Variants in LYST observed in about 807,000 individuals in gnomAD.
The protein encoded by LYST is lysosomal trafficking regulator.
In LYST, 192 loss-of-function variants were observed where a neutral mutation model predicts 413.6. The observed-to-expected ratio is 0.46, with a 90% confidence interval of 0.41 to 0.52. The LOEUF (loss-of-function observed/expected upper bound fraction) is 0.52. LYST is among the 20% of genes least tolerant of loss of function. The pLI is 0.00. For missense variants in LYST, 3,815 were observed against 4,499.9 expected, an observed-to-expected ratio of 0.85 and a Z score of 4.35; for synonymous variants, 1,525 against 1,567.3, an observed-to-expected ratio of 0.97 and a Z score of 0.64.
intron 14 of LYST, among the ~76,000 whole-genome samples, chr1:235,785,910 C>T (rs74489555): frequency 6.6e-6 from 1 of 152,134 alleles, no homozygotes; most frequent in Non-Finnish European, 1.5e-5. Context: ...ACTTGGCTCA[C>T]AATTCTCCTA....
At position 235,685,861 on chromosome 1, in the gene LYST, A is replaced by C. The variant is rs1044765186; in HGVS notation, c.10800+1088T>G. Among the ~76,000 whole-genome samples, 131 of 150,486 alleles carry C rather than the reference A, an allele frequency of 8.7e-4. 1 individual carries two copies. The highest frequency in any genetic ancestry group is 3.1e-3 in the African/African-American group (129 of 41,330). ...ACTCTGTCTTAAAACAAAACAAAAA[A>C]AAAAAAACAAACAAAAAAAGAAAAC... On this transcript the variant is annotated intron_variant, in intron 48 of 52. Coordinates refer to ENST00000389793, the MANE Select transcript of LYST (RefSeq NM_000081.4).
In LYST at chr1:235,813,036, A is replaced by G; in HGVS notation, c.218T>C (p.Leu73Pro). 6.2e-7 allele frequency: 1 copy of G among 1,608,386 alleles called. No individual in the cohort carries two copies. The highest frequency in any genetic ancestry group is 8.5e-7 in the Non-Finnish European group (1 of 1,174,928). The change falls in exon 4 of 53, where the codon CTG (leucine) becomes CCG (proline). Residue 73 changes from leucine (L) to proline (P), a missense_variant. Physicochemically the swap from Leu to Pro is moderately conservative, Grantham distance 98. Coordinates refer to ENST00000389793, the MANE Select transcript of LYST (RefSeq NM_000081.4). Reference protein sequence around the residue: ...DQALTCREELLTLLLSLLPLV... With the variant: ...DQALTCREELPTLLLSLLPLV... ...TGGAAGGAGAGACAGAAGAAGAGTC[A>G]GGAGTTCTTCTCTACATGTCAATGC...
chr1:235,764,480 CT>C lies in LYST; in HGVS notation c.6121+1598del, dbSNP rs1349549152. Among the ~76,000 whole-genome samples, 19 of 132,852 alleles carry C rather than the reference CT, an allele frequency of 1.4e-4. No homozygotes were observed. In the South Asian group the frequency reaches 3.7e-3, roughly 26 times the overall value. 87.2% of individuals were successfully genotyped at this position (132,852 alleles called of 152,430 possible). A position where few individuals can be genotyped will look rare whatever the true frequency, so the allele number is the denominator to read the frequency against. ...CTTATTTTATTCATTTACTACATTTCTTTTTTTTTCTTTTCTTTTTTTTTTT... is the reference window on the plus strand; with the variant it reads ...CTTATTTTATTCATTTACTACATTTCTTTTTTTTCTTTTCTTTTTTTTTTT... On this transcript the variant is annotated intron_variant, in intron 21 of 52. Transcript: ENST00000389793.
In LYST at chr1:235,741,474, T is replaced by C. The variant is rs1447399823; in HGVS notation, c.8306A>G (p.His2769Arg). The change falls in exon 31 of 53, where the codon CAT (histidine) becomes CGT (arginine). Residue 2769 changes from histidine (H) to arginine (R), a missense_variant. This residue lies in a region of LYST where 771 missense variants were observed against 837.1 expected (regional missense o/e 0.92). Coordinates refer to ENST00000389793, the MANE Select transcript of LYST (RefSeq NM_000081.4). ...QERKQIFEIV[H>R]EPNHQEILRD... ...TAGTATTTCCTGATGATTTGGTTCA[T>C]GAACTATTTCAAAAATTTGCTTTCT... 3.1e-6 allele frequency: 5 copies of C among 1,614,074 alleles called. No homozygotes were observed. The highest frequency in any genetic ancestry group is 2.7e-5 in the African/African-American group (2 of 74,936).
chr1:235,818,653 A>T (rs1402665270), intron 3 of LYST, among the ~76,000 whole-genome samples: 1 of 152,198 alleles, frequency 6.6e-6, no homozygotes, highest in African/African-American at 2.4e-5. Context: ...AAAAAAAGAT[A>T]AACCAATTTT....
At chr1:235,795,650 A>T (rs1007203740) in intron 10 of LYST, among the ~76,000 whole-genome samples, 1 of 152,208 alleles carries the variant, frequency 6.6e-6, no homozygotes, top group African/African-American at 2.4e-5. Flanking sequence ...TGGCACATTC[A>T]CACAGAGCTC....
chr1:235,880,878 C>A (rs1440894688), intron 1 of LYST, among the ~76,000 whole-genome samples: 1 of 152,180 alleles, frequency 6.6e-6, no homozygotes, highest in African/African-American at 2.4e-5. Context: ...GTAATCCCAG[C>A]ACTTTGGGAG....
At chr1:235,748,684 G>T (rs976101702) in intron 28 of LYST, among the ~76,000 whole-genome samples, 13 of 152,292 alleles carry the variant, frequency 8.5e-5, no homozygotes, top group South Asian at 6.2e-4. Flanking sequence ...CTGCTGAGCA[G>T]AAGAATGGTA....
intron 12 of LYST, among the ~76,000 whole-genome samples, chr1:235,790,768 A>G (rs1670896036): frequency 6.6e-6 from 1 of 152,192 alleles, no homozygotes; most frequent in Admixed American, 6.5e-5. Context: ...GTCATATGAG[A>G]AACAAGATGC....
At chr1:235,801,370 C>T (rs1672195733) in intron 8 of LYST, among the ~76,000 whole-genome samples, 1 of 151,572 alleles carries the variant, frequency 6.6e-6, no homozygotes, top group Admixed American at 6.6e-5. Flanking sequence ...TTAACACATC[C>T]CATGGACACA....
intron 3 of LYST, among the ~76,000 whole-genome samples, chr1:235,819,336 T>C (rs1328961198): frequency 1.3e-5 from 2 of 152,198 alleles, no homozygotes; most frequent in Admixed American, 6.5e-5. Flanking sequence ...GAAACCACAT[T>C]TGTAATTCTG....
At position 235,664,543 on chromosome 1, in the gene LYST, C is replaced by T. The variant is rs760651217; in HGVS notation, c.11117G>A (p.Cys3706Tyr). 1.4e-5 allele frequency: 22 copies of T among 1,614,142 alleles called. No individual in the cohort carries two copies. In the South Asian group the frequency reaches 2.4e-4, roughly 18 times the overall value. The change falls in exon 51 of 53, where the codon TGT (cysteine) becomes TAT (tyrosine). Residue 3706 changes from cysteine (C) to tyrosine (Y), a missense_variant. By Grantham distance (194) the Cys-to-Tyr change is radical. Transcript: ENST00000389793. This position sits in a 1 kb window ranked among gnomAD's most constrained non-coding sequence, Gnocchi z 4.5. The stretch of plus-strand genomic sequence containing the variant: ...AGGCTGGTTGGAGAAAGCCACGGAA[C>T]AGATGATCTCCCTGCAGTGGACATG... ...VGHVHCREII[C>Y]SVAFSNQPEG... is the part of the protein sequence containing the mutation.
chr1:235,778,392 C>A (rs149992238), intron 16 of LYST, among the ~76,000 whole-genome samples: 2 of 149,626 alleles, frequency 1.3e-5, no homozygotes, highest in Non-Finnish European at 3.0e-5. Flanking sequence ...TTTATTTTTC[C>A]GAGACGGAGT....
chr1:235,873,252 C>T (rs1241757836), intron 1 of LYST, among the ~76,000 whole-genome samples: 1 of 152,184 alleles, frequency 6.6e-6, no homozygotes, highest in African/African-American at 2.4e-5. Flanking sequence ...TGAAATTTCC[C>T]CTCTCCTGTG....
chr1:235,729,895 T>C (rs1664213573), intron 36 of LYST, among the ~76,000 whole-genome samples: 1 of 152,130 alleles, frequency 6.6e-6, no homozygotes, highest in Non-Finnish European at 1.5e-5. Context: ...GTAGACAGAA[T>C]ATAGAAATTA....
chr1:235,706,932 C>A (rs1283684750), intron 44 of LYST, among the ~76,000 whole-genome samples: 1 of 152,136 alleles, frequency 6.6e-6, no homozygotes, highest in Non-Finnish European at 1.5e-5. Context: ...TAAATAAGCT[C>A]AGATATGGAG....
In LYST at chr1:235,810,426, C is replaced by G; in HGVS notation, c.392G>C (p.Ser131Thr). 6.2e-7 allele frequency: 1 copy of G among 1,610,434 alleles called. No homozygotes were observed. Among genetic ancestry groups the G allele is most frequent in the South Asian group, 1.1e-5 (1 of 90,306 alleles). Residue 131 changes from serine to threonine, a missense_variant, in exon 5 of 53, where the codon AGT becomes ACT. Ser to Thr is a moderately conservative substitution (Grantham distance 58). Transcript: ENST00000389793. Reference protein sequence around the residue: ...KLHLEGSALSSQVSAKVNVFR... With the variant: ...KLHLEGSALSTQVSAKVNVFR... ...AACATTTACTTTTGCAGAAACCTGA[C>G]TAGACAGGGCACTTCCTTCTAAATG...
At chr1:235,822,217 A>G (rs1347961457) in intron 3 of LYST, among the ~76,000 whole-genome samples, 1 of 152,216 alleles carries the variant, frequency 6.6e-6, no homozygotes, top group Non-Finnish European at 1.5e-5. Flanking sequence ...TAATTGTTAT[A>G]GAAAAGAGAA....
At chr1:235,755,374 G>T (rs903566891) in intron 25 of LYST, 104 bp downstream of exon 25, 24 of 1,111,300 alleles carry the variant, frequency 2.2e-5, no homozygotes, top group Non-Finnish European at 3.0e-5. Flanking sequence ...GGGCAACAGG[G>T]CGAGACTCCG....
Sources: allele counts gnomAD v4.1 joint callset (sites outside exome capture counted in the v4.1 genomes callset), GRCh38; gene constraint gnomAD v4.1.1; regional missense constraint gnomAD v4.1.1; non-coding constraint Gnocchi (gnomAD v3.1); transcripts MANE v1.5; gene names NCBI Gene and HGNC (gene_info 2026-07-23, HGNC 2026-07-21).